PRKG1: variants seen among roughly 807,000 people sequenced by gnomAD.
PRKG1 encodes the protein protein kinase cGMP-dependent 1.
Under a neutral mutation model 88.1 loss-of-function variants are expected in PRKG1, and 35 were observed. The ratio of observed to expected loss-of-function variants is 0.40; its 90% CI spans 0.30 to 0.53. PRKG1 has a LOEUF of 0.53. Among genes scored for constraint, PRKG1 ranks in the 20% least tolerant of loss-of-function variants. The pLI, the probability that PRKG1 is intolerant of heterozygous loss-of-function variation, is 0.59. For missense variants in PRKG1, 540 were observed against 839.8 expected (o/e 0.64, Z 4.41); for synonymous variants, 303 against 292.5 (o/e 1.04, Z -0.37).
intron 7 of PRKG1, among the ~76,000 whole-genome samples, chr10:52,072,412 G>A (rs1296980888): frequency 6.6e-6 from 1 of 151,796 alleles, no homozygotes; most frequent in Non-Finnish European, 1.5e-5. Context: ...CTCCTCTTCA[G>A]GATTTATAAA....
At chr10:51,947,007 C>T (rs1480591654) in intron 5 of PRKG1, among the ~76,000 whole-genome samples, 9 of 152,064 alleles carry the variant, frequency 5.9e-5, no homozygotes, top group African/African-American at 2.4e-5. Flanking sequence ...CAGACAGGGA[C>T]ATTTAAGTCT....
chr10:51,772,759 G>T (rs1334301840), intron 3 of PRKG1, among the ~76,000 whole-genome samples: 3 of 151,928 alleles, frequency 2.0e-5, no homozygotes, highest in Admixed American at 6.6e-5. Flanking sequence ...TCATCAACTC[G>T]GGCTAGGGGG....
At chr10:51,254,339 T>C (rs962733541) in intron 2 of PRKG1, among the ~76,000 whole-genome samples, 16 of 151,998 alleles carry the variant, frequency 1.1e-4, no homozygotes, top group African/African-American at 1.4e-4. Flanking sequence ...TTGCATGTTA[T>C]TGTGAAAATA....
chr10:51,817,199 AT>A (rs1216565522), intron 4 of PRKG1, among the ~76,000 whole-genome samples: 1 of 151,716 alleles, frequency 6.6e-6, no homozygotes, highest in Admixed American at 6.6e-5. Flanking sequence ...ACTTATTTTT[AT>A]TTTTTTTAAA....
At chr10:51,435,914 G>GT (rs1838914905) in intron 2 of PRKG1, among the ~76,000 whole-genome samples, 1 of 152,070 alleles carries the variant, frequency 6.6e-6, no homozygotes, top group South Asian at 2.1e-4. Flanking sequence ...TGCAGATACT[G>GT]TTTTCATTCC....
chr10:51,754,542 C>T (rs1302749292), intron 3 of PRKG1, among the ~76,000 whole-genome samples: 1 of 152,130 alleles, frequency 6.6e-6, no homozygotes, highest in African/African-American at 2.4e-5. Context: ...TAGTTGGAAC[C>T]TAGGTGTTTC....
chr10:51,311,505 A>T (rs970508683), intron 2 of PRKG1, among the ~76,000 whole-genome samples: 1 of 152,198 alleles, frequency 6.6e-6, no homozygotes, highest in Admixed American at 6.5e-5. Flanking sequence ...GAACATTGGC[A>T]GTTGATTGAC....
intron 5 of PRKG1, among the ~76,000 whole-genome samples, chr10:52,050,186 G>A (rs1244713329): frequency 6.6e-6 from 1 of 152,018 alleles, no homozygotes; most frequent in Non-Finnish European, 1.5e-5. Context: ...CAGGCCTGGT[G>A]GTGGCACAGT....
rs1023387478 is a variant in PRKG1 at position 52,080,993 on chromosome 10, T to G, written c.935+18362T>G. Among the ~76,000 whole-genome samples, 9 of 152,128 alleles carry G rather than the reference T, an allele frequency of 5.9e-5. No homozygotes were observed. In the East Asian group the frequency reaches 1.5e-3, roughly 26 times the overall value. On this transcript the variant is annotated intron_variant, in intron 7 of 17. Coordinates refer to ENST00000373980, the MANE Select transcript of PRKG1 (RefSeq NM_006258.4). ...AATAGGCTGAGGCCTCTGTTGCAATTGCATCATAGCTCAACTTCTCCCTGT... is the reference window on the plus strand; with the variant it reads ...AATAGGCTGAGGCCTCTGTTGCAATGGCATCATAGCTCAACTTCTCCCTGT...
chr10:52,039,895 T>A (rs1845713244), intron 5 of PRKG1, among the ~76,000 whole-genome samples: 1 of 152,180 alleles, frequency 6.6e-6, no homozygotes, highest in African/African-American at 2.4e-5. Context: ...TATGGCATAC[T>A]GCAGAATAAA....
At chr10:52,071,666 G>A (rs1397617275) in intron 7 of PRKG1, among the ~76,000 whole-genome samples, 1 of 136,642 alleles carries the variant, frequency 7.3e-6, no homozygotes. Context: ...TGTCTTGGGT[G>A]GGGGTGGGGG....
chr10:51,871,387 C>G (rs1841153685), intron 4 of PRKG1, among the ~76,000 whole-genome samples: 1 of 152,154 alleles, frequency 6.6e-6, no homozygotes, highest in Admixed American at 6.5e-5. Context: ...CTTGCTTCCC[C>G]CATCTCTAGG....
chr10:51,361,832 A>C (rs1842487159), intron 2 of PRKG1, among the ~76,000 whole-genome samples: 3 of 151,930 alleles, frequency 2.0e-5, no homozygotes, highest in Admixed American at 2.0e-4. Flanking sequence ...ACTTATTTTT[A>C]TATGATTTCA....
intron 5 of PRKG1, among the ~76,000 whole-genome samples, chr10:51,917,966 A>C (rs1335340298): frequency 6.6e-6 from 1 of 152,248 alleles, no homozygotes. Context: ...AACTATATTC[A>C]TATTTCCTTT....
chr10:51,824,955 G>C (rs999279316), intron 4 of PRKG1, among the ~76,000 whole-genome samples: 1 of 152,168 alleles, frequency 6.6e-6, no homozygotes, highest in African/African-American at 2.4e-5. Context: ...AGTGTTCAAT[G>C]TTTGGAATTA....
intron 7 of PRKG1, among the ~76,000 whole-genome samples, chr10:52,089,282 G>C (rs570969944): frequency 6.6e-6 from 1 of 152,104 alleles, no homozygotes. Flanking sequence ...ATCAAACCAT[G>C]GGTAAGCATG....
At chr10:51,279,928 G>A (rs1350404916) in intron 2 of PRKG1, among the ~76,000 whole-genome samples, 2 of 152,144 alleles carry the variant, frequency 1.3e-5, no homozygotes, top group South Asian at 4.2e-4. Context: ...GATGTTAGCT[G>A]GTTATTTTGC....
At chr10:51,741,946 G>A (rs951652864) in intron 3 of PRKG1, among the ~76,000 whole-genome samples, 2 of 152,196 alleles carry the variant, frequency 1.3e-5, no homozygotes, top group Non-Finnish European at 2.9e-5. Flanking sequence ...AAAGATTAGT[G>A]TTCTGTGTTT....
chr10:51,626,478 G>A (rs1839340220), intron 3 of PRKG1, among the ~76,000 whole-genome samples: 1 of 152,070 alleles, frequency 6.6e-6, no homozygotes, highest in South Asian at 2.1e-4. Context: ...ATCGTTGAAA[G>A]TTATTTTTTG....
Sources: allele counts gnomAD v4.1 joint callset (sites outside exome capture counted in the v4.1 genomes callset), GRCh38; gene constraint gnomAD v4.1.1; transcripts MANE v1.5; gene names NCBI Gene and HGNC (gene_info 2026-07-23, HGNC 2026-07-21).